Variants in GALK2 observed in about 807,000 individuals in gnomAD.
The protein encoded by GALK2 is N-acetylgalactosamine kinase.
Under a neutral mutation model 52.4 loss-of-function variants are expected in GALK2, and 36 were observed. The ratio of observed to expected loss-of-function variants is 0.69; its 90% confidence interval spans 0.53 to 0.91. The LOEUF (loss-of-function observed/expected upper bound fraction) is 0.91, where lower values mean the gene tolerates loss of function less well. Among genes scored for constraint, GALK2 ranks in the 40% least tolerant of loss-of-function variants. GALK2 has a pLI of 0.00. For synonymous variants in GALK2, 176 were observed against 199.1 expected (o/e 0.88, Z 0.98); for missense variants, 579 against 559.1 (o/e 1.04, Z -0.36).
intron 2 of GALK2, among the ~76,000 whole-genome samples, chr15:49,207,526 A>T (rs2264508): frequency 6.6e-6 from 1 of 151,660 alleles, no homozygotes; most frequent in South Asian, 2.1e-4. Context: ...TTTAAATCTC[A>T]CTGCTTGTGA....
chr15:49,160,662 A>T (rs2141148692), intron 1 of GALK2, among the ~76,000 whole-genome samples: 2 of 152,256 alleles, frequency 1.3e-5, no homozygotes, highest in East Asian at 3.9e-4. Flanking sequence ...CAAGAGATCG[A>T]GACCATCCTG....
At chr15:49,229,956 T>C (rs1284878633) in intron 3 of GALK2, among the ~76,000 whole-genome samples, 1 of 152,120 alleles carries the variant, frequency 6.6e-6, no homozygotes, top group African/African-American at 2.4e-5. Flanking sequence ...TGGAAGTTGC[T>C]GTGAGTGAGG....
chr15:49,170,289 T>G lies in GALK2; in HGVS notation c.-34T>G. The G allele has an allele frequency of 6.4e-7, 1 of 1,565,268 alleles. No individual in the cohort carries two copies. Among genetic ancestry groups the G allele is most frequent in the Non-Finnish European group, 8.7e-7 (1 of 1,154,510 alleles). The stretch of plus-strand genomic sequence containing the variant: ...GCTCTGGGAGCTTTGCTTAGACACT[T>G]GAAACTACAGGAGAAAGAAGGATCT... On this transcript the variant is annotated 5_prime_UTR_variant, in exon 1 of 10. Transcript: ENST00000560031.
chr15:49,218,784 C>T (rs2089576701), intron 3 of GALK2, among the ~76,000 whole-genome samples: 2 of 152,108 alleles, frequency 1.3e-5, no homozygotes, highest in Non-Finnish European at 2.9e-5. Context: ...ACATATGTTT[C>T]ATTTCTGTTG....
intron 3 of GALK2, among the ~76,000 whole-genome samples, chr15:49,223,461 C>T (rs919865219): frequency 1.3e-5 from 2 of 152,064 alleles, no homozygotes; most frequent in South Asian, 2.1e-4. Flanking sequence ...GTTTGGGGTA[C>T]AGATGATCCC....
At chr15:49,236,733 T>C (rs1281561299) in intron 4 of GALK2, among the ~76,000 whole-genome samples, 1 of 152,180 alleles carries the variant, frequency 6.6e-6, no homozygotes, top group African/African-American at 2.4e-5. Flanking sequence ...AATTTTGCCT[T>C]TGTGAGCTAA....
At chr15:49,205,012 A>G (rs923197489) in intron 2 of GALK2, among the ~76,000 whole-genome samples, 7 of 152,182 alleles carry the variant, frequency 4.6e-5, no homozygotes, top group African/African-American at 2.4e-5. Context: ...CATCCAGGTC[A>G]CTGCAAATAC....
intron 1 of GALK2, among the ~76,000 whole-genome samples, chr15:49,172,585 A>G (rs2085175371): frequency 1.3e-5 from 2 of 152,216 alleles, no homozygotes; most frequent in African/African-American, 4.8e-5. Flanking sequence ...TGGAACTCTT[A>G]TTCTTTTTCC....
intron 3 of GALK2, among the ~76,000 whole-genome samples, chr15:49,355,114 A>G (rs1174692234): frequency 2.0e-5 from 3 of 151,306 alleles, no homozygotes; most frequent in Non-Finnish European, 4.4e-5. Context: ...AAAGACCAAA[A>G]GTAGATAAAA....
chr15:49,199,727 T>C (rs1426219847), intron 1 of GALK2, among the ~76,000 whole-genome samples: 3 of 152,102 alleles, frequency 2.0e-5, no homozygotes, highest in Non-Finnish European at 4.4e-5. Flanking sequence ...TGTTAAGTCT[T>C]GTAGAGTCAA....
At chr15:49,317,036 T>C (rs1016097122) in intron 8 of GALK2, among the ~76,000 whole-genome samples, 7 of 152,188 alleles carry the variant, frequency 4.6e-5, no homozygotes, top group Admixed American at 3.3e-4. Flanking sequence ...TAACAGCATC[T>C]TCTTTACAAA....
chr15:49,260,303 G>T (rs1465325439), intron 5 of GALK2, among the ~76,000 whole-genome samples: 1 of 152,146 alleles, frequency 6.6e-6, no homozygotes, highest in Non-Finnish European at 1.5e-5. Context: ...TCTCATTGTG[G>T]TTTTGATTTG....
chr15:49,234,496 G>A (rs941909469), intron 3 of GALK2, among the ~76,000 whole-genome samples: 2 of 152,116 alleles, frequency 1.3e-5, no homozygotes, highest in Non-Finnish European at 2.9e-5. Flanking sequence ...TCCATATGGC[G>A]GGGGAAGCCT....
chr15:49,303,036 CTT>C (rs1216441937), intron 8 of GALK2, among the ~76,000 whole-genome samples: 4 of 151,826 alleles, frequency 2.6e-5, no homozygotes, highest in Non-Finnish European at 5.9e-5. Context: ...GTCCTTTTTT[CTT>C]TCTCTCTCTG....
At chr15:49,230,845 A>T (rs778648928) in intron 3 of GALK2, among the ~76,000 whole-genome samples, 14 of 152,204 alleles carry the variant, frequency 9.2e-5, no homozygotes, top group South Asian at 4.1e-4. Flanking sequence ...TTCTACAAAC[A>T]TGGAAGTGGG....
At chr15:49,190,453 G>A (rs2086651797) in intron 1 of GALK2, among the ~76,000 whole-genome samples, 1 of 151,988 alleles carries the variant, frequency 6.6e-6, no homozygotes, top group Non-Finnish European at 1.5e-5. Flanking sequence ...TTTCTGATTG[G>A]TTATAACATC....
chr15:49,193,506 T>A (rs1271114129), intron 1 of GALK2, among the ~76,000 whole-genome samples: 4 of 152,042 alleles, frequency 2.6e-5, no homozygotes, highest in Non-Finnish European at 5.9e-5. Flanking sequence ...ATTAAAAAAA[T>A]TTGCCTCTAT....
chr15:49,325,964 A>G (rs1353987505), intron 9 of GALK2, among the ~76,000 whole-genome samples: 2 of 152,200 alleles, frequency 1.3e-5, no homozygotes, highest in African/African-American at 4.8e-5. Flanking sequence ...TTTAGGTTCA[A>G]TTTTGAAAAA....
At chr15:49,283,165 AC>A (rs1454684094) in intron 6 of GALK2, among the ~76,000 whole-genome samples, 1 of 152,130 alleles carries the variant, frequency 6.6e-6, no homozygotes, top group African/African-American at 2.4e-5. Flanking sequence ...GAGGAAAGAA[AC>A]CCTCTGTCTG....
Sources: allele counts gnomAD v4.1 joint callset (sites outside exome capture counted in the v4.1 genomes callset), GRCh38; gene constraint gnomAD v4.1.1; transcripts MANE v1.5; gene names NCBI Gene and HGNC (gene_info 2026-07-23, HGNC 2026-07-21).